Variants in RORA observed in about 807,000 individuals in gnomAD.
RORA encodes the protein nuclear receptor ROR-alpha.
In RORA, 7 loss-of-function variants were observed where a neutral mutation model predicts 69.5. The observed-to-expected ratio is 0.10, with a 90% CI of 0.06 to 0.19. The LOEUF (loss-of-function observed/expected upper bound fraction) is 0.19. RORA is among the 10% of genes least tolerant of loss of function. RORA has a pLI of 1.00. For synonymous variants in RORA, 261 were observed against 240.8 expected (o/e 1.08, Z -0.78); for missense variants, 457 against 663.0 (o/e 0.69, Z 3.41).
intron 1 of RORA, among the ~76,000 whole-genome samples, chr15:60,769,759 C>A (rs2072045823): frequency 1.3e-5 from 2 of 152,202 alleles, no homozygotes; most frequent in African/African-American, 4.8e-5. Flanking sequence ...CCTGAATGTT[C>A]TCTGACCAGG....
At chr15:60,704,286 C>T (rs1235420147) in intron 1 of RORA, among the ~76,000 whole-genome samples, 1 of 152,172 alleles carries the variant, frequency 6.6e-6, no homozygotes, top group African/African-American at 2.4e-5. Flanking sequence ...GTAGGAGGGG[C>T]CACACCGGCA....
At chr15:61,124,877 TC>T (rs1158631503) in intron 1 of RORA, among the ~76,000 whole-genome samples, 7 of 152,192 alleles carry the variant, frequency 4.6e-5, no homozygotes, top group African/African-American at 1.7e-4. Context: ...ATCACTGTAA[TC>T]CCCTTTTTAT....
intron 1 of RORA, among the ~76,000 whole-genome samples, chr15:61,091,718 G>A (rs1256602395): frequency 5.3e-5 from 8 of 152,190 alleles, no homozygotes; most frequent in Non-Finnish European, 1.0e-4. Context: ...AGGTAGACTC[G>A]ACATACCTTT....
At chr15:60,876,158 G>A (rs944661209) in intron 1 of RORA, among the ~76,000 whole-genome samples, 1 of 152,158 alleles carries the variant, frequency 6.6e-6, no homozygotes, top group Admixed American at 6.5e-5. Context: ...TAGCATAAAT[G>A]TTCTTTCAAG....
In RORA at chr15:60,617,639, C is replaced by T. The variant is rs544163580; in HGVS notation, c.196+61018G>A. Among the ~76,000 whole-genome samples the T allele has an allele frequency of 8.7e-4, 129 of 147,472 alleles. 1 individual carries two copies. The highest frequency in any genetic ancestry group is 1.3e-3 in the Non-Finnish European group (86 of 66,970). On this transcript the variant is annotated intron_variant, in intron 2 of 10. Coordinates refer to ENST00000335670, the MANE Select transcript of RORA (RefSeq NM_134261.3). The stretch of plus-strand genomic sequence containing the variant: ...AGTAAAGAAAAAATACACACACACA[C>T]GCACATACACACATACAGACAGAGA...
intron 2 of RORA, among the ~76,000 whole-genome samples, chr15:60,629,187 CTTTTTTTT>C (rs34687322): frequency 1.6e-3 from 178 of 112,026 alleles, no homozygotes; most frequent in Non-Finnish European, 2.7e-3. Flanking sequence ...ACTGTTTATT[CTTTTTTTT>C]TTTTTTTTTT....
chr15:60,739,114 G>T (rs2071540379), intron 1 of RORA, among the ~76,000 whole-genome samples: 1 of 152,192 alleles, frequency 6.6e-6, no homozygotes, highest in African/African-American at 2.4e-5. Flanking sequence ...AAGTTTTGAG[G>T]AGGGGGACAC....
At chr15:60,978,164 A>G (rs1019774020) in intron 1 of RORA, among the ~76,000 whole-genome samples, 8 of 152,134 alleles carry the variant, frequency 5.3e-5, no homozygotes, top group Non-Finnish European at 1.2e-4. Flanking sequence ...CAAGATCATC[A>G]ACATCATCAT....
chr15:60,573,520 C>A (rs2067942664), intron 2 of RORA, among the ~76,000 whole-genome samples: 1 of 152,180 alleles, frequency 6.6e-6, no homozygotes, highest in South Asian at 2.1e-4. Context: ...TTAAAAATAT[C>A]TGGCAGCCTC....
In RORA at chr15:60,531,858, C is replaced by A; in HGVS notation, c.197-7G>T. 6.4e-7 allele frequency: 1 copy of A among 1,556,194 alleles called. No individual in the cohort carries two copies. Among genetic ancestry groups the A allele is most frequent in the Non-Finnish European group, 8.8e-7 (1 of 1,142,780 alleles). ...GGAATAATTTCAATTTGAGCTGCAA[C>A]AGAAGCACGCAACCAGTTAATTACA... On this transcript the variant is annotated splice_polypyrimidine_tract_variant and splice_region_variant and intron_variant, in intron 2 of 10. Transcript: ENST00000335670. The surrounding 1 kb of genome is among the most constrained non-coding windows in gnomAD (Gnocchi z 4.8).
chr15:60,796,975 C>A (rs1472414949), intron 1 of RORA, among the ~76,000 whole-genome samples: 3 of 149,490 alleles, frequency 2.0e-5, no homozygotes, highest in Non-Finnish European at 4.4e-5. Flanking sequence ...TATACAAATA[C>A]CATGAGTAGG....
chr15:60,990,048 T>G (rs1314709742), intron 1 of RORA, among the ~76,000 whole-genome samples: 1 of 152,250 alleles, frequency 6.6e-6, no homozygotes, highest in African/African-American at 2.4e-5. Context: ...TACCACTAAT[T>G]TGAACTCATG....
intron 1 of RORA, among the ~76,000 whole-genome samples, chr15:60,822,765 A>G: frequency 6.6e-6 from 1 of 152,170 alleles, no homozygotes; most frequent in Non-Finnish European, 1.5e-5. Flanking sequence ...GGCCCGGACA[A>G]ATGCTAACAG....
chr15:61,104,442 G>A (rs2078923131), intron 1 of RORA, among the ~76,000 whole-genome samples: 1 of 152,078 alleles, frequency 6.6e-6, no homozygotes, highest in Non-Finnish European at 1.5e-5. Context: ...CTTTCCTTTT[G>A]GAATAGAGGA....
At chr15:60,686,857 A>G (rs1212959669) in intron 1 of RORA, 1 of 152,272 alleles carries the variant, frequency 6.6e-6, no homozygotes, top group African/African-American at 2.4e-5. Context: ...CCCCAAAGCA[A>G]GTCAGACACT....
chr15:61,105,229 A>G (rs2078935727), intron 1 of RORA, among the ~76,000 whole-genome samples: 1 of 152,152 alleles, frequency 6.6e-6, no homozygotes, highest in South Asian at 2.1e-4. Context: ...CATGTTCCAT[A>G]CTTGGGTATT....
At chr15:61,097,278 G>A (rs1239866031) in intron 1 of RORA, among the ~76,000 whole-genome samples, 21 of 152,218 alleles carry the variant, frequency 1.4e-4, no homozygotes, top group Admixed American at 1.2e-3. Context: ...CATTGGGCTG[G>A]TTAAATATCT....
At chr15:61,205,422 C>A (rs559520788) in intron 1 of RORA, among the ~76,000 whole-genome samples, 1 of 152,174 alleles carries the variant, frequency 6.6e-6, no homozygotes, top group Non-Finnish European at 1.5e-5. Context: ...AAGCCACAGT[C>A]GCAGGTTGTT....
chr15:61,184,499 G>C (rs1019023647), intron 1 of RORA, among the ~76,000 whole-genome samples: 4 of 152,074 alleles, frequency 2.6e-5, no homozygotes, highest in African/African-American at 9.7e-5. Context: ...CTATGTACCT[G>C]GTATGAAATT....
Sources: gnomAD v4.1 joint callset for allele counts (sites outside exome capture counted in the v4.1 genomes callset) on GRCh38, gnomAD v4.1.1 for gene constraint, Gnocchi (gnomAD v3.1) non-coding constraint, MANE v1.5 for transcripts, NCBI Gene and HGNC (gene_info 2026-07-23, HGNC 2026-07-21) for gene names.